Variants in SLC44A5 observed in about 807,000 individuals in gnomAD.
SLC44A5 encodes the protein choline transporter-like protein 5.
In SLC44A5, 57 loss-of-function variants were observed where a neutral mutation model predicts 101.8. The observed-to-expected ratio is 0.56, with a 90% CI of 0.45 to 0.70. The LOEUF (loss-of-function observed/expected upper bound fraction) is 0.70. SLC44A5 is among the 30% of genes least tolerant of loss of function. The pLI is 0.00. For synonymous variants in SLC44A5, 281 were observed against 290.9 expected, an observed-to-expected ratio of 0.97 and a Z score of 0.35; for missense variants, 737 against 853.1, an observed-to-expected ratio of 0.86 and a Z score of 1.70.
chr1:75,377,929 G>C (rs1461311372), intron 3 of SLC44A5, among the ~76,000 whole-genome samples: 1 of 45,520 alleles, frequency 2.2e-5, no homozygotes, highest in Non-Finnish European at 3.4e-5. Context: ...TATGCTGAAC[G>C]CTGGTTCCCC....
intron 2 of SLC44A5, among the ~76,000 whole-genome samples, chr1:75,420,966 G>A (rs1423092632): frequency 6.6e-6 from 1 of 151,934 alleles, no homozygotes; most frequent in Non-Finnish European, 1.5e-5. Context: ...GAACACAGAT[G>A]TCACAAAAAT....
chr1:75,390,247 C>A (rs570480287), intron 3 of SLC44A5, among the ~76,000 whole-genome samples: 279 of 152,034 alleles, frequency 1.8e-3, no homozygotes, highest in African/African-American at 6.0e-3. Flanking sequence ...GAGCTGGTAC[C>A]AATCTTACTG....
intron 1 of SLC44A5, among the ~76,000 whole-genome samples, chr1:75,597,083 G>A (rs1674679585): frequency 6.6e-6 from 1 of 151,742 alleles, no homozygotes; most frequent in South Asian, 2.1e-4. Flanking sequence ...AGCTACTTGG[G>A]AGGCTGAAGT....
chr1:75,432,492 G>T (rs777950769), intron 2 of SLC44A5, among the ~76,000 whole-genome samples: 8 of 152,048 alleles, frequency 5.3e-5, no homozygotes, highest in Admixed American at 1.3e-4. Flanking sequence ...AATATTATGT[G>T]TATCATTATA....
chr1:75,704,198 T>C, the SLC44A5 span, among the ~76,000 whole-genome samples: 6 of 152,156 alleles, frequency 3.9e-5, no homozygotes, highest in Admixed American at 6.5e-5. Flanking sequence ...TATACAACCA[T>C]AGGATTATTA....
chr1:75,296,886 G>A (rs1429379747), intron 5 of SLC44A5, among the ~76,000 whole-genome samples: 1 of 152,142 alleles, frequency 6.6e-6, no homozygotes, highest in Non-Finnish European at 1.5e-5. Flanking sequence ...GATTTGGGGT[G>A]TCAGGAATTT....
chr1:75,614,162 A>G (rs1400042364), upstream of SLC44A5, among the ~76,000 whole-genome samples: 6 of 152,246 alleles, frequency 3.9e-5, no homozygotes, highest in Non-Finnish European at 8.8e-5. Flanking sequence ...CCAAAAGTGT[A>G]GCTCATACGC....
chr1:75,481,478 T>C (rs1451155941), intron 2 of SLC44A5, among the ~76,000 whole-genome samples: 1 of 151,678 alleles, frequency 6.6e-6, no homozygotes, highest in Non-Finnish European at 1.5e-5. Flanking sequence ...ACCTACAAAA[T>C]GGGAGAAAAT....
At chr1:75,307,948 C>T (rs1655032371) in intron 4 of SLC44A5, among the ~76,000 whole-genome samples, 1 of 152,098 alleles carries the variant, frequency 6.6e-6, no homozygotes, top group Non-Finnish European at 1.5e-5. Context: ...TTACATGAAC[C>T]TGTATTTTCA....
At chr1:75,572,531 ATAT>A (rs1673126730) in intron 1 of SLC44A5, among the ~76,000 whole-genome samples, 1 of 152,212 alleles carries the variant, frequency 6.6e-6, no homozygotes, top group African/African-American at 2.4e-5. Flanking sequence ...CTCTGCAGAC[ATAT>A]TATATTTATC....
intron 23 of SLC44A5, chr1:75,204,639 A>G (rs1179616326): frequency 1.3e-5 from 2 of 151,744 alleles, no homozygotes; most frequent in African/African-American, 4.9e-5. Flanking sequence ...GTGCACCACC[A>G]CACTTGGCTA....
chr1:75,671,961 T>G, the SLC44A5 span, among the ~76,000 whole-genome samples: 2 of 152,106 alleles, frequency 1.3e-5, no homozygotes, highest in African/African-American at 4.8e-5. Flanking sequence ...ATACAGAAAG[T>G]TCCAACTTGG....
the SLC44A5 span, among the ~76,000 whole-genome samples, chr1:75,696,384 A>T: frequency 6.6e-6 from 1 of 152,250 alleles, no homozygotes; most frequent in Non-Finnish European, 1.5e-5. Flanking sequence ...ATATTTGTTA[A>T]AAGACTTTAT....
chr1:75,674,633 C>T, the SLC44A5 span, among the ~76,000 whole-genome samples: 1 of 146,018 alleles, frequency 6.8e-6, no homozygotes, highest in South Asian at 2.2e-4. Flanking sequence ...CCCCCAACCT[C>T]AGCCTCCCAT....
At chr1:75,501,682 G>A (rs970400270) in intron 2 of SLC44A5, among the ~76,000 whole-genome samples, 2 of 151,976 alleles carry the variant, frequency 1.3e-5, no homozygotes. Context: ...GTCAGTCTCC[G>A]GTAAACTGCC....
intron 2 of SLC44A5, among the ~76,000 whole-genome samples, chr1:75,491,681 T>C (rs1467273295): frequency 6.6e-6 from 1 of 151,974 alleles, no homozygotes; most frequent in Admixed American, 6.6e-5. Flanking sequence ...TCACAGAGTT[T>C]AATAAACTCA....
At chr1:75,619,096 AGAAG>A in the SLC44A5 span, among the ~76,000 whole-genome samples, 5 of 117,672 alleles carry the variant, frequency 4.2e-5, no homozygotes, top group South Asian at 3.3e-4. Flanking sequence ...GGGGAAGGAA[AGAAG>A]GAAGGAAGGA....
Position 75,379,836 on chromosome 1 carries a change from A to G in SLC44A5, c.52+16747T>C, listed in dbSNP as rs1660833450. ...GTTAGAACATTTGGAAGAAAATGTT[A>G]TAATTGTGGTCAAATTGGTCACTTA... On this transcript the variant is annotated intron_variant, in intron 3 of 23. Coordinates refer to ENST00000370859, the MANE Select transcript of SLC44A5 (RefSeq NM_001130058.2). Among the ~76,000 whole-genome samples the G allele has an allele frequency of 3.6e-5, 3 of 82,806 alleles. 1 individual carries two copies. In the South Asian group the frequency reaches 1.1e-3, roughly 30 times the overall value. The allele number at this position is 82,806 out of a possible 152,430, so 54.3% of individuals were successfully genotyped here. A position where few individuals can be genotyped will look rare whatever the true frequency, so the allele number is the denominator to read the frequency against.
the SLC44A5 span, among the ~76,000 whole-genome samples, chr1:75,706,138 G>A: frequency 3.3e-5 from 5 of 151,880 alleles, no homozygotes; most frequent in African/African-American, 1.2e-4. Context: ...TTTGATTTTT[G>A]AAAAAGATGT....
Sources: gnomAD v4.1 joint callset for allele counts (sites outside exome capture counted in the v4.1 genomes callset) on GRCh38, gnomAD v4.1.1 for gene constraint, MANE v1.5 for transcripts, NCBI Gene and HGNC (gene_info 2026-07-23, HGNC 2026-07-21) for gene names.